Variants in SPPL3 observed in about 807,000 individuals in gnomAD.
The protein encoded by SPPL3 is signal peptide peptidase like 3, also known as signal peptide peptidase-like 3.
A neutral mutation model predicts 42.4 loss-of-function variants in SPPL3; 5 were observed. That is an observed-to-expected ratio of 0.12 (90% CI 0.06 to 0.25). The LOEUF is 0.25. Ranked by LOEUF, SPPL3 falls within the 10% of genes least tolerant of loss-of-function variation. SPPL3 has a pLI of 1.00. For missense variants in SPPL3, 235 were observed against 489.0 expected (o/e 0.48, Z 4.90); for synonymous variants, 195 against 181.8 (o/e 1.07, Z -0.58).
intron 1 of SPPL3, 102 bp downstream of exon 1, chr12:120,903,742 CA>C (rs1874062391): frequency 2.8e-5 from 21 of 744,084 alleles, no homozygotes; most frequent in Non-Finnish European, 3.2e-5. Flanking sequence ...GCCCCCCCCC[CA>C]CGACACGCAC....
At chr12:120,775,870 A>G (rs1869296104) in intron 6 of SPPL3, among the ~76,000 whole-genome samples, 1 of 152,234 alleles carries the variant, frequency 6.6e-6, no homozygotes, top group Admixed American at 6.5e-5. Flanking sequence ...AATTAACTTC[A>G]AAGAACAGAC....
At chr12:120,812,247 G>A (rs1394566283) in intron 1 of SPPL3, among the ~76,000 whole-genome samples, 2 of 151,634 alleles carry the variant, frequency 1.3e-5, no homozygotes, top group African/African-American at 4.9e-5. Flanking sequence ...CGATTCTCTT[G>A]CCTCAGTCTC....
chr12:120,770,351 C>T (rs1869070251), intron 6 of SPPL3, among the ~76,000 whole-genome samples: 1 of 152,110 alleles, frequency 6.6e-6, no homozygotes, highest in Admixed American at 6.5e-5. Context: ...TAATGACTTG[C>T]TGAAACTGGA....
At chr12:120,861,215 C>T (rs73413866) in intron 1 of SPPL3, among the ~76,000 whole-genome samples, 5,400 of 152,162 alleles carry the variant, frequency 0.035, 111 homozygotes, top group South Asian at 0.067. Flanking sequence ...GCCATTCTAG[C>T]ATGAAAGCAG....
chr12:120,865,792 T>TTAG (rs1340921566), intron 1 of SPPL3, among the ~76,000 whole-genome samples: 1 of 152,164 alleles, frequency 6.6e-6, no homozygotes, highest in Non-Finnish European at 1.5e-5. Flanking sequence ...CTGCCACCAG[T>TTAG]TAGTGGCCTG....
At chr12:120,776,700 C>CT (rs1869334119) in intron 6 of SPPL3, among the ~76,000 whole-genome samples, 1 of 152,030 alleles carries the variant, frequency 6.6e-6, no homozygotes. Context: ...AACAGCTCAT[C>CT]TTTTTTGGGT....
At chr12:120,808,256 T>C (rs1428855082) in intron 2 of SPPL3, among the ~76,000 whole-genome samples, 2 of 151,972 alleles carry the variant, frequency 1.3e-5, no homozygotes, top group Admixed American at 1.3e-4. Context: ...TTTTGCATAT[T>C]TGGTAGATGG....
At position 120,836,941 on chromosome 12, in the gene SPPL3, C is replaced by T. The variant is rs529444747; in HGVS notation, c.24-26055G>A. On this transcript the variant is annotated intron_variant, in intron 1 of 10. Transcript: ENST00000353487. ...TTGTGTTGTTAAGAGTTTTACAAAA[C>T]GCTGCCCATTGGGAGAAACCAGGCA... is the stretch of plus-strand genomic sequence containing the variant. 8.0e-4 allele frequency among the ~76,000 whole-genome samples: 122 copies of T among 152,092 alleles called. 1 individual carries two copies. The highest frequency in any genetic ancestry group is 3.4e-3 in the Middle Eastern group (1 of 294).
intron 3 of SPPL3, among the ~76,000 whole-genome samples, chr12:120,785,255 CA>C (rs34930618): frequency 0.05 from 7,364 of 146,700 alleles, 209 homozygotes; most frequent in South Asian, 0.12. Flanking sequence ...TTAATATTTA[CA>C]AAAAAAAAAA....
At position 120,791,510 on chromosome 12, in the gene SPPL3, T is replaced by C. The variant is rs745762203; in HGVS notation, c.149A>G (p.Asn50Ser). The change falls in exon 3 of 11, where the codon AAT (asparagine) becomes AGT (serine). Residue 50 changes from asparagine (N) to serine (S), a missense_variant. Asn to Ser is a conservative substitution (Grantham distance 46, BLOSUM62 1). Around this residue, in one of 6 missense-constraint regions of SPPL3, gnomAD observed 110 missense variants for 186.2 expected, o/e 0.59. Coordinates refer to ENST00000353487, the MANE Select transcript of SPPL3 (RefSeq NM_139015.5). ...GCCATTGAAAGACCCAGAAGAACTA[T>C]TACTGTCTTTCTCCTTATCTTGATT... ...FENQDKEKDS[N>S]SSSGSFNGNS... The C allele has an allele frequency of 1.1e-5, 17 of 1,606,962 alleles. No homozygotes were observed. The highest frequency in any genetic ancestry group is 2.7e-5 in the African/African-American group (2 of 74,646).
At chr12:120,866,501 T>C (rs1396075958) in intron 1 of SPPL3, among the ~76,000 whole-genome samples, 1 of 151,396 alleles carries the variant, frequency 6.6e-6, no homozygotes, top group Admixed American at 6.6e-5. Context: ...TTAACTGAAA[T>C]AGTAAGGCAT....
chr12:120,897,074 A>T (rs1183898692), intron 1 of SPPL3, among the ~76,000 whole-genome samples: 1 of 152,226 alleles, frequency 6.6e-6, no homozygotes, highest in South Asian at 2.1e-4. Flanking sequence ...AACAGATATG[A>T]ATGATGAGAA....
chr12:120,768,914 A>C, intron 7 of SPPL3, 39 bp downstream of exon 7: 1 of 1,540,832 alleles, frequency 6.5e-7, no homozygotes, highest in Non-Finnish European at 8.8e-7. Context: ...TCACTTCAAC[A>C]CAAAGAAGGG....
intron 1 of SPPL3, chr12:120,903,493 A>G (rs1593020110): frequency 3.3e-6 from 1 of 303,344 alleles, no homozygotes; most frequent in Admixed American, 5.6e-5. Flanking sequence ...CCCAGGAAAC[A>G]CCCCCACGAG....
In SPPL3 at chr12:120,784,483, A is replaced by C. The variant is rs1352459531; in HGVS notation, c.301T>G (p.Cys101Gly). The C allele has an allele frequency of 6.2e-7, 1 of 1,609,008 alleles. No individual in the cohort carries two copies. Among genetic ancestry groups the C allele is most frequent in the Non-Finnish European group, 8.5e-7 (1 of 1,177,892 alleles). The change falls in exon 4 of 11, where the codon TGT becomes GGT. Residue 101 changes from cysteine to glycine, a missense_variant. By Grantham distance (159) the Cys-to-Gly change is radical. Coordinates refer to ENST00000353487, the MANE Select transcript of SPPL3 (RefSeq NM_139015.5). ...AGAAACTCATATTTACCTGCTGTACATATTGTAAAAACTACTTGAACTGAG... is the reference window on the plus strand; with the variant it reads ...AGAAACTCATATTTACCTGCTGTACCTATTGTAAAAACTACTTGAACTGAG... ...FDSVQVVFTI[C>G]TAVLATIAFA... is the part of the protein sequence containing the mutation.
chr12:120,901,497 A>G (rs112778905), intron 1 of SPPL3, among the ~76,000 whole-genome samples: 6,324 of 151,338 alleles, frequency 0.042, 180 homozygotes, highest in South Asian at 0.12. Context: ...AGGCTGAGGC[A>G]TAAGAATTGC....
chr12:120,867,928 G>A (rs1044697392), intron 1 of SPPL3, among the ~76,000 whole-genome samples: 1 of 151,754 alleles, frequency 6.6e-6, no homozygotes, highest in Non-Finnish European at 1.5e-5. Context: ...TGTATCTTTT[G>A]TAGAGACGGG....
intron 2 of SPPL3, among the ~76,000 whole-genome samples, chr12:120,805,001 T>C (rs1870441488): frequency 6.6e-6 from 1 of 152,120 alleles, no homozygotes; most frequent in South Asian, 2.1e-4. Flanking sequence ...ATGACACCAC[T>C]TATACGAGAG....
At chr12:120,809,894 C>T (rs145550613) in intron 2 of SPPL3, among the ~76,000 whole-genome samples, 1 of 152,056 alleles carries the variant, frequency 6.6e-6, no homozygotes, top group Non-Finnish European at 1.5e-5. Flanking sequence ...GATGTCAAGC[C>T]TTTGGATTAA....
Sources: gnomAD v4.1 joint callset for allele counts (sites outside exome capture counted in the v4.1 genomes callset) on GRCh38, gnomAD v4.1.1 for gene constraint, gnomAD v4.1.1 regional missense constraint, MANE v1.5 for transcripts, NCBI Gene and HGNC (gene_info 2026-07-23, HGNC 2026-07-21) for gene names.